The following PGAP1 variants were observed in gnomAD, a reference collection of about 807,000 sequenced individuals.
PGAP1 encodes the protein GPI inositol-deacylase.
PGAP1 carries 76 observed loss-of-function variants against 127.0 expected under a neutral mutation model. The ratio of observed to expected loss-of-function variants is 0.60; its 90% CI spans 0.50 to 0.72. PGAP1 has a LOEUF of 0.72. Among genes scored for constraint, PGAP1 ranks in the 30% least tolerant of loss-of-function variants. The pLI is 0.00. For synonymous variants in PGAP1, 362 were observed against 366.5 expected (o/e 0.99, Z 0.14); for missense variants, 982 against 1,071.3 (o/e 0.92, Z 1.16).
At chr2:196,864,826 T>TA (rs974904427) in intron 20 of PGAP1, among the ~76,000 whole-genome samples, 161 bp downstream of exon 20, 1 of 152,066 alleles carries the variant, frequency 6.6e-6, no homozygotes, top group South Asian at 2.1e-4. Flanking sequence ...GGCATAATTA[T>TA]AAAAAAATAA....
In PGAP1 at chr2:196,873,713, T is replaced by C. The variant is rs1488179799; in HGVS notation, c.1472A>G (p.Tyr491Cys). The change falls in exon 15 of 27, where the codon TAC becomes TGC. Residue 491 changes from tyrosine to cysteine, a missense_variant. Physicochemically the swap from Tyr to Cys is radical, Grantham distance 194. Transcript: ENST00000354764. ...TCCAAAGTTCAGAAGCTCTAGATTG[T>C]AGTATAGGCCATTTGTATTTAACAC... ...KVVLNTNGLY[Y>C]NLELLNFGQI... 6.2e-7 allele frequency: 1 copy of C among 1,611,940 alleles called. No homozygotes were observed. The highest frequency in any genetic ancestry group is 8.5e-7 in the Non-Finnish European group (1 of 1,178,394).
chr2:196,926,413 A>G, intron 1 of PGAP1, 57 bp downstream of exon 1: 1 of 1,606,984 alleles, frequency 6.2e-7, no homozygotes, highest in South Asian at 1.1e-5. Flanking sequence ...CAGAAGGAAA[A>G]AGGCACCAGG....
At chr2:196,858,867 G>A (rs1700974773) in intron 20 of PGAP1, among the ~76,000 whole-genome samples, 1 of 152,048 alleles carries the variant, frequency 6.6e-6, no homozygotes, top group African/African-American at 2.4e-5. Flanking sequence ...CAAAGAAAGA[G>A]TTATTACAAC....
At chr2:196,850,737 T>C (rs1700694270) in intron 20 of PGAP1, among the ~76,000 whole-genome samples, 1 of 139,422 alleles carries the variant, frequency 7.2e-6, no homozygotes, top group Non-Finnish European at 1.6e-5. Context: ...AAGAGGAAGA[T>C]GAAAAAAAGA....
intron 20 of PGAP1, among the ~76,000 whole-genome samples, chr2:196,853,050 G>C (rs551140891): frequency 1.3e-5 from 2 of 152,188 alleles, no homozygotes; most frequent in South Asian, 2.1e-4. Flanking sequence ...AAGCAGCAAG[G>C]CTTTCTTGAA....
At chr2:196,853,174 T>A (rs1179486206) in intron 20 of PGAP1, among the ~76,000 whole-genome samples, 1 of 152,234 alleles carries the variant, frequency 6.6e-6, no homozygotes, top group Admixed American at 6.5e-5. Context: ...CCACATTTCC[T>A]CCTGAGATCT....
rs1451223265 is a variant in PGAP1 at position 196,840,384 on chromosome 2, A to T, written c.*850T>A. The T allele has an allele frequency of 1.3e-5, 2 of 152,082 alleles. No individual in the cohort carries two copies. Among genetic ancestry groups the T allele is most frequent in the African/African-American group, 4.8e-5 (2 of 41,404 alleles). 9.4% of individuals were successfully genotyped at this position (152,082 alleles called of 1,614,324 possible). A position where few individuals can be genotyped will look rare whatever the true frequency, so the allele number is the denominator to read the frequency against. ...TTAGTTATTTTAACAATCCATTATGACCTCAGGCACTTTTGGCAACCATGG... is the reference window on the plus strand; with the variant it reads ...TTAGTTATTTTAACAATCCATTATGTCCTCAGGCACTTTTGGCAACCATGG... On this transcript the variant is annotated 3_prime_UTR_variant, in exon 27 of 27. Transcript: ENST00000354764.
At chr2:196,862,966 T>C (rs894529076) in intron 20 of PGAP1, among the ~76,000 whole-genome samples, 4 of 152,172 alleles carry the variant, frequency 2.6e-5, no homozygotes, top group Non-Finnish European at 1.5e-5. Flanking sequence ...TTTTTTTAAA[T>C]GTTCAACATC....
chr2:196,886,561 A>G (rs1016544565), intron 10 of PGAP1, among the ~76,000 whole-genome samples: 1 of 152,226 alleles, frequency 6.6e-6, no homozygotes, highest in Non-Finnish European at 1.5e-5. Context: ...TATAGTAAGT[A>G]ATCTACATTT....
At chr2:196,893,494 T>G (rs1056215620) in intron 7 of PGAP1, among the ~76,000 whole-genome samples, 4 of 152,218 alleles carry the variant, frequency 2.6e-5, no homozygotes, top group Admixed American at 1.3e-4. Context: ...ACACAGCTCT[T>G]AAGTCTGGGC....
rs558777658 is a variant in PGAP1 at position 196,925,200 on chromosome 2, A to T, written c.147+1270T>A. Among the ~76,000 whole-genome samples the T allele has an allele frequency of 3.6e-4, 55 of 152,332 alleles. No homozygotes were observed. In the South Asian group the frequency reaches 0.011, roughly 32 times the overall value. On this transcript the variant is annotated intron_variant, in intron 1 of 26. Coordinates refer to ENST00000354764, the MANE Select transcript of PGAP1 (RefSeq NM_024989.4). ...AGGTAAGGATCTAAACACAAATGAA[A>T]TCTAAATTTACTAGAATTTTTCCCA...
At chr2:196,886,005 G>A (rs1052340637) in intron 10 of PGAP1, 125 bp from the exon 11 acceptor site, 5 of 467,340 alleles carry the variant, frequency 1.1e-5, no homozygotes, top group Non-Finnish European at 7.2e-6. Context: ...CAAGTGAAAC[G>A]TAAATAACAG....
chr2:196,916,275 A>G (rs546181572), intron 3 of PGAP1, 143 bp downstream of exon 3: 47 of 578,224 alleles, frequency 8.1e-5, no homozygotes, highest in Admixed American at 1.6e-4. Flanking sequence ...AGGCCAAGAC[A>G]ACAGACTCTC....
At chr2:196,859,447 A>G (rs1700992404) in intron 20 of PGAP1, among the ~76,000 whole-genome samples, 1 of 152,124 alleles carries the variant, frequency 6.6e-6, no homozygotes, top group Admixed American at 6.6e-5. Context: ...TAAAGAACTA[A>G]TATCAATACT....
At chr2:196,857,560 G>A (rs1391289653) in intron 20 of PGAP1, among the ~76,000 whole-genome samples, 1 of 152,190 alleles carries the variant, frequency 6.6e-6, no homozygotes. Context: ...GATGCTTTTG[G>A]AGAAATATCT....
Position 196,898,389 on chromosome 2 carries a change from T to A in PGAP1, c.808-20A>T. On this transcript the variant is annotated intron_variant, in intron 5 of 26. Transcript: ENST00000354764. Reference sequence around the variant, plus strand: ...TGAACTCTAAAAGAAAAGAAAAAAATAAACTTACGAAAAGCACATTTGTTA... The same window carrying A: ...TGAACTCTAAAAGAAAAGAAAAAAAAAAACTTACGAAAAGCACATTTGTTA... The A allele has an allele frequency of 1.9e-6, 3 of 1,578,996 alleles. No individual in the cohort carries two copies. Among genetic ancestry groups the A allele is most frequent in the Non-Finnish European group, 2.6e-6 (3 of 1,154,244 alleles).
At chr2:196,883,207 T>A (rs578204781) in intron 12 of PGAP1, among the ~76,000 whole-genome samples, 1 of 152,058 alleles carries the variant, frequency 6.6e-6, no homozygotes, top group Admixed American at 6.6e-5. Flanking sequence ...GGGGTGGGAG[T>A]AGTTATATGT....
At position 196,843,943 on chromosome 2, in the gene PGAP1, T is replaced by C; in HGVS notation, c.2470A>G (p.Thr824Ala). Residue 824 changes from threonine (T) to alanine (A), a missense_variant, in exon 25 of 27, where the codon ACA (threonine) becomes GCA (alanine). By Grantham distance (58) the Thr-to-Ala change is moderately conservative. Transcript: ENST00000354764. ...GGCATGCTGAGTAATACAATCCATG[T>C]TAGTAAGTTAATCACAGTACTGTGC... ...RMHSTVINLLTWIVLLSMPSL... is the reference protein window; with the variant it reads ...RMHSTVINLLAWIVLLSMPSL... 6.3e-7 allele frequency: 1 copy of C among 1,593,542 alleles called. No individual in the cohort carries two copies. The highest frequency in any genetic ancestry group is 8.6e-7 in the Non-Finnish European group (1 of 1,167,614).
chr2:196,859,604 C>T (rs1700996470), intron 20 of PGAP1, among the ~76,000 whole-genome samples: 1 of 151,898 alleles, frequency 6.6e-6, no homozygotes, highest in East Asian at 1.9e-4. Context: ...AACATAAAGG[C>T]AAAAATCCTC....
Sources: allele counts gnomAD v4.1 joint callset (sites outside exome capture counted in the v4.1 genomes callset), GRCh38; gene constraint gnomAD v4.1.1; transcripts MANE v1.5; gene names NCBI Gene and HGNC (gene_info 2026-07-23, HGNC 2026-07-21).